The following C2orf42 variants were observed in gnomAD, a reference collection of about 807,000 sequenced individuals.
The protein encoded by C2orf42 is chromosome 2 open reading frame 42.
A neutral mutation model predicts 58.9 loss-of-function variants in C2orf42; 44 were observed. The observed-to-expected ratio is 0.75, with a 90% confidence interval of 0.59 to 0.96. The LOEUF (loss-of-function observed/expected upper bound fraction) is 0.96. C2orf42 is among the 40% of genes least tolerant of loss of function. C2orf42 has a pLI of 0.00. For missense variants in C2orf42, 630 were observed against 699.2 expected (o/e 0.90, Z 1.12); for synonymous variants, 239 against 265.4 (o/e 0.90, Z 0.97).
chr2:70,183,799 G>C (rs1440405711), intron 1 of C2orf42, among the ~76,000 whole-genome samples: 2 of 149,976 alleles, frequency 1.3e-5, no homozygotes, highest in East Asian at 2.0e-4. Context: ...CTTCCTAATA[G>C]TAATACATCA....
intron 9 of C2orf42, among the ~76,000 whole-genome samples, chr2:70,151,666 A>C (rs1672320108): frequency 6.6e-6 from 1 of 152,132 alleles, no homozygotes; most frequent in Non-Finnish European, 1.5e-5. Flanking sequence ...AAAAACAAGA[A>C]GGATGGATTA....
intron 1 of C2orf42, chr2:70,190,128 T>C (rs1053980612): frequency 4.6e-5 from 7 of 152,218 alleles, no homozygotes; most frequent in African/African-American, 1.7e-4. Flanking sequence ...AGAGACTCTA[T>C]ATCGAAAGCA....
intron 9 of C2orf42, among the ~76,000 whole-genome samples, chr2:70,159,560 C>T (rs1175791067): frequency 6.7e-6 from 1 of 149,548 alleles, no homozygotes; most frequent in Non-Finnish European, 1.5e-5. Context: ...TGCACTCTAT[C>T]CAGCCTGGTG....
intron 2 of C2orf42, 28 bp from the exon 3 acceptor site, chr2:70,182,025 T>G (rs767123485): frequency 1.0e-6 from 1 of 995,782 alleles, no homozygotes; most frequent in East Asian, 2.4e-5. Context: ...TCCAACAGTA[T>G]GAGTATACCT....
Position 70,180,341 on chromosome 2 carries a change from C to T in C2orf42, c.824-699G>A, listed in dbSNP as rs556820275. Reference sequence around the variant, plus strand: ...AGTTCCTTTAGACTGGGTGCAGTGGCTCATGCCTGTAATCCCAGTACTTTG... The same window carrying T: ...AGTTCCTTTAGACTGGGTGCAGTGGTTCATGCCTGTAATCCCAGTACTTTG... On this transcript the variant is annotated intron_variant, in intron 3 of 9. Transcript: ENST00000264434. Among the ~76,000 whole-genome samples the T allele has an allele frequency of 6.6e-5, 10 of 151,820 alleles. No individual in the cohort carries two copies. The South Asian group carries it at 1.7e-3, about 25-fold the overall frequency.
At chr2:70,169,080 TC>T (rs1558667828) in intron 6 of C2orf42, among the ~76,000 whole-genome samples, 1 of 152,010 alleles carries the variant, frequency 6.6e-6, no homozygotes, top group Non-Finnish European at 1.5e-5. Context: ...TTTTCTTTTT[TC>T]CATACAGGGT....
intron 4 of C2orf42, 96 bp from the exon 5 acceptor site, chr2:70,175,873 T>G: frequency 1.2e-6 from 1 of 806,178 alleles, no homozygotes; most frequent in African/African-American, 1.7e-5. Context: ...AAACAGTCTT[T>G]GCTAATTTCT....
At position 70,155,537 on chromosome 2, in the gene C2orf42, G is replaced by A. The variant is rs987216336; in HGVS notation, c.1517-4973C>T. Among the ~76,000 whole-genome samples, 32 of 152,274 alleles carry A rather than the reference G, an allele frequency of 2.1e-4. 1 individual carries two copies. Among genetic ancestry groups the A allele is most frequent in the Middle Eastern group, 3.4e-3 (1 of 294 alleles). ...AATTAGGCCGGGTGTGGTGGCTCAT[G>A]CCTGTAATCCCAGCACTTTGGGAGG... On this transcript the variant is annotated intron_variant, in intron 9 of 9. Transcript: ENST00000264434.
At chr2:70,165,877 A>T (rs559940461) in intron 6 of C2orf42, among the ~76,000 whole-genome samples, 172 of 152,056 alleles carry the variant, frequency 1.1e-3, no homozygotes, top group African/African-American at 4.0e-3. Context: ...ACAAAGAAAG[A>T]CCCAGTGTCT....
At chr2:70,166,828 C>A (rs1355350034) in intron 6 of C2orf42, among the ~76,000 whole-genome samples, 1 of 152,006 alleles carries the variant, frequency 6.6e-6, no homozygotes, top group Non-Finnish European at 1.5e-5. Flanking sequence ...GGGATGAGAA[C>A]AATGAGGCCG....
chr2:70,165,326 A>G (rs563756756), intron 7 of C2orf42, 134 bp from the exon 8 acceptor site: 1 of 641,936 alleles, frequency 1.6e-6, no homozygotes, highest in Admixed American at 3.0e-5. Flanking sequence ...GAAATTCTAG[A>G]GGCAAATATA....
chr2:70,181,760 A>G lies in C2orf42; in HGVS notation c.226T>C (p.Ser76Pro). ...IITGSDLQVYSVRQRDRGPDY... is the reference protein window; with the variant it reads ...IITGSDLQVYPVRQRDRGPDY... ...GGGCCCCGGTCTCTTTGCCGCACTG[A>G]GTAGACCTGAAGATCAGAGCCTGTA... Residue 76 changes from serine (S) to proline (P), a missense_variant, in exon 3 of 10, where the codon TCA becomes CCA. Transcript: ENST00000264434. 6.2e-7 allele frequency: 1 copy of G among 1,614,168 alleles called. No homozygotes were observed.
chr2:70,173,944 T>A (rs1035078864), intron 5 of C2orf42, among the ~76,000 whole-genome samples: 4 of 152,112 alleles, frequency 2.6e-5, no homozygotes, highest in African/African-American at 9.7e-5. Context: ...TGCACATGAG[T>A]AATAAGCAAT....
Position 70,175,709 on chromosome 2 carries a change from T to G in C2orf42, c.1003A>C (p.Lys335Gln), listed in dbSNP as rs1209167699. The G allele has an allele frequency of 6.2e-7, 1 of 1,613,588 alleles. No individual in the cohort carries two copies. ...AACGAGGAAGCAACCACAGGCTTTT[T>G]CAGGCCACTTTTCCTTAGATTACTG... is the stretch of plus-strand genomic sequence containing the variant. ...VSSNLRKSGL[K>Q]KPVVASSLKR... The change falls in exon 5 of 10, where the codon AAA becomes CAA. Residue 335 changes from lysine to glutamine, a missense_variant. Physicochemically the swap from Lys to Gln is moderately conservative, Grantham distance 53. Transcript: ENST00000264434.
In C2orf42 at chr2:70,150,179, G is replaced by A; in HGVS notation, c.*177C>T. 1.6e-6 allele frequency: 1 copy of A among 614,796 alleles called. No homozygotes were observed. Among genetic ancestry groups the A allele is most frequent in the Non-Finnish European group, 2.9e-6 (1 of 346,220 alleles). The allele number at this position is 614,796 out of a possible 1,614,324, so 38.1% of individuals were successfully genotyped here. Reference sequence around the variant, plus strand: ...GACTGTACACAGCAGCATCAAAAAGGCTATTTACAAGAGATTTTCTTCAAC... The same window carrying A: ...GACTGTACACAGCAGCATCAAAAAGACTATTTACAAGAGATTTTCTTCAAC... On this transcript the variant is annotated 3_prime_UTR_variant, in exon 10 of 10. Transcript: ENST00000264434.
At chr2:70,154,069 A>AAC (rs1341914213) in intron 9 of C2orf42, among the ~76,000 whole-genome samples, 8 of 107,240 alleles carry the variant, frequency 7.5e-5, no homozygotes, top group Admixed American at 5.6e-4. Context: ...ACAAACAAAC[A>AAC]AACAAAAAAA....
At chr2:70,157,193 G>A (rs950223227) in intron 9 of C2orf42, among the ~76,000 whole-genome samples, 1 of 152,152 alleles carries the variant, frequency 6.6e-6, no homozygotes, top group Non-Finnish European at 1.5e-5. Context: ...GGTGGCTCAC[G>A]CCTGTAATCC....
intron 1 of C2orf42, among the ~76,000 whole-genome samples, chr2:70,185,744 C>A (rs1013478796): frequency 6.6e-6 from 1 of 150,962 alleles, no homozygotes; most frequent in Non-Finnish European, 1.5e-5. Context: ...CACACACACA[C>A]AAACACACAC....
Position 70,175,752 on chromosome 2 carries a change from C to G in C2orf42, c.960G>C (p.Leu320=). ...VSGAQMNSSL[L]PQDAVSSNLR... ...GATTACTGCTCACTGCATCTTGAGG[C>G]AGTAGTGAACTGTTCATCTGTGCAC... The change falls in exon 5 of 10, where the codon CTG becomes CTC. Residue 320 remains leucine, a synonymous_variant. Transcript: ENST00000264434. The G allele has an allele frequency of 6.2e-7, 1 of 1,611,224 alleles. No individual in the cohort carries two copies. The highest frequency in any genetic ancestry group is 8.5e-7 in the Non-Finnish European group (1 of 1,177,440).
Sources: gnomAD v4.1 joint callset for allele counts (sites outside exome capture counted in the v4.1 genomes callset) on GRCh38, gnomAD v4.1.1 for gene constraint, MANE v1.5 for transcripts, NCBI Gene and HGNC (gene_info 2026-07-23, HGNC 2026-07-21) for gene names.